The following KDM2B variants were observed in gnomAD, a reference collection of about 807,000 sequenced individuals.
KDM2B encodes lysine-specific demethylase 2B.
A neutral mutation model predicts 150.0 loss-of-function variants in KDM2B; 26 were observed. The ratio of observed to expected loss-of-function variants is 0.17; its 90% confidence interval spans 0.13 to 0.24. The LOEUF is 0.24. Ranked by LOEUF, KDM2B falls within the 10% of genes least tolerant of loss-of-function variation. The probability of loss-of-function intolerance (pLI) is 1.00; values close to 1 mark genes in which losing one functional copy is unlikely to be tolerated. For missense variants in KDM2B, 1,265 were observed against 1,816.9 expected, an observed-to-expected ratio of 0.70 and a Z score of 5.52; for synonymous variants, 734 against 729.5, an observed-to-expected ratio of 1.01 and a Z score of -0.10.
In KDM2B at chr12:121,513,286, C is replaced by T; in HGVS notation, c.1164G>A (p.Ser388=). ...CTCCGGTTCACTCACCAATAAGCAT[C>T]GACTCCCTCTGGTATTCCTGAGTGA... ...SHLTQEYQRE[S]MLIDAPRKPS... is the part of the protein sequence containing the mutation. The change falls in exon 10 of 23, where the codon TCG becomes TCA. Residue 388 remains serine (S), a synonymous_variant. Coordinates refer to ENST00000377071, the MANE Select transcript of KDM2B (RefSeq NM_032590.5). This position sits in a 1 kb window ranked among gnomAD's most constrained non-coding sequence, Gnocchi z 5.0. 1 of 1,613,308 alleles carries T rather than the reference C, an allele frequency of 6.2e-7. No individual in the cohort carries two copies.
At chr12:121,440,097 G>C (rs1180744098) in intron 21 of KDM2B, 22 bp from the exon 22 acceptor site, 2 of 1,566,922 alleles carry the variant, frequency 1.3e-6, no homozygotes, top group African/African-American at 2.7e-5. Context: ...GGAAGGAGGG[G>C]GCAACCCGTC....
intron 11 of KDM2B, among the ~76,000 whole-genome samples, chr12:121,498,714 C>T (rs1555301400): frequency 6.6e-6 from 1 of 152,114 alleles, no homozygotes; most frequent in East Asian, 1.9e-4. Context: ...AACTCACAAG[C>T]ATTGAGGTAG....
At chr12:121,539,863 C>T (rs1349129034) in intron 6 of KDM2B, among the ~76,000 whole-genome samples, 1 of 152,030 alleles carries the variant, frequency 6.6e-6, no homozygotes, top group Non-Finnish European at 1.5e-5. Flanking sequence ...CCTCAGCTTC[C>T]CAAGTAGCTG....
intron 1 of KDM2B, chr12:121,579,897 C>T (rs1555317612): frequency 6.7e-7 from 1 of 1,485,562 alleles, no homozygotes; most frequent in Non-Finnish European, 9.0e-7. Flanking sequence ...TTTCCCGGTC[C>T]TCTTGCAAAA....
chr12:121,527,076 C>T (rs1372781000), intron 8 of KDM2B, among the ~76,000 whole-genome samples: 2 of 151,738 alleles, frequency 1.3e-5, no homozygotes, highest in African/African-American at 4.8e-5. Flanking sequence ...GAGACGGAGT[C>T]TCGCTCTGTC....
intron 22 of KDM2B, among the ~76,000 whole-genome samples, chr12:121,435,674 C>T (rs1425752496): frequency 6.6e-6 from 1 of 152,140 alleles, no homozygotes; most frequent in Non-Finnish European, 1.5e-5. Flanking sequence ...GGAAAATTTA[C>T]CTGCTGACTG....
In KDM2B at chr12:121,513,550, G is replaced by C; in HGVS notation, c.1048-148C>G. On this transcript the variant is annotated intron_variant, in intron 9 of 22. Coordinates refer to ENST00000377071, the MANE Select transcript of KDM2B (RefSeq NM_032590.5). The surrounding 1 kb of genome is among the most constrained non-coding windows in gnomAD (Gnocchi z 5.0). ...TGGATGGTCGGGGGAGAAATGGTGGGGTGCTGGAAGGGAGATGCCGGCAGC... is the reference window on the plus strand; with the variant it reads ...TGGATGGTCGGGGGAGAAATGGTGGCGTGCTGGAAGGGAGATGCCGGCAGC... 1.2e-6 allele frequency: 1 copy of C among 850,258 alleles called. No homozygotes were observed. Among genetic ancestry groups the C allele is most frequent in the Middle Eastern group, 3.1e-4 (1 of 3,218 alleles). 52.7% of individuals were successfully genotyped at this position (850,258 alleles called of 1,614,324 possible).
intron 6 of KDM2B, among the ~76,000 whole-genome samples, chr12:121,536,570 C>A (rs1888119711): frequency 2.0e-5 from 3 of 152,206 alleles, no homozygotes; most frequent in Non-Finnish European, 4.4e-5. Flanking sequence ...CCTCACCCAC[C>A]CCACCCCCAC....
chr12:121,412,729 T>C, the KDM2B span, among the ~76,000 whole-genome samples: 1 of 149,596 alleles, frequency 6.7e-6, no homozygotes, highest in African/African-American at 2.5e-5. Flanking sequence ...TCATGCTTTT[T>C]TTTTTTTTTT....
chr12:121,451,595 T>C (rs1877295687), intron 13 of KDM2B, among the ~76,000 whole-genome samples: 1 of 152,216 alleles, frequency 6.6e-6, no homozygotes, highest in African/African-American at 2.4e-5. Flanking sequence ...GCAATCCATA[T>C]GTCCATCAAC....
At chr12:121,502,503 C>T (rs1262736712) in intron 11 of KDM2B, among the ~76,000 whole-genome samples, 1 of 151,956 alleles carries the variant, frequency 6.6e-6, no homozygotes. Context: ...TGCCTGTAAT[C>T]CCAGCTACTT....
rs893981242 is a variant in KDM2B, at chr12:121,430,657, G to A, written c.3830-188C>T. The A allele has an allele frequency of 1.3e-5, 8 of 599,750 alleles. No individual in the cohort carries two copies. The highest frequency in any genetic ancestry group is 2.9e-5 in the Admixed American group (1 of 34,068). 37.2% of individuals were successfully genotyped at this position (599,750 alleles called of 1,614,324 possible). ...CTTCAAACGGGGAAGGGTCTCACCC[G>A]CCAGGTATAAAGGTTAATATATGCC... is the stretch of plus-strand genomic sequence containing the variant. On this transcript the variant is annotated intron_variant, in intron 22 of 22. Coordinates refer to ENST00000377071, the MANE Select transcript of KDM2B (RefSeq NM_032590.5). The surrounding 1 kb of genome is among the most constrained non-coding windows in gnomAD (Gnocchi z 4.4).
intron 9 of KDM2B, chr12:121,516,585 T>C: frequency 1.5e-6 from 2 of 1,340,508 alleles, no homozygotes; most frequent in African/African-American, 3.0e-5. Context: ...CTCACCAAAT[T>C]GAGTTAACCA....
the KDM2B span, among the ~76,000 whole-genome samples, chr12:121,410,809 G>A: frequency 6.6e-6 from 1 of 152,170 alleles, no homozygotes; most frequent in Non-Finnish European, 1.5e-5. Flanking sequence ...AATTTTTCAG[G>A]ATTGCTTCTT....
rs545910837 is a variant in KDM2B at position 121,537,263 on chromosome 12, C to G, written c.684-2673G>C. ...CCCCGCGCTGGCTCCGGGGCTCCCC[C>G]CTGGCTGGTTTGCTCGCTCGCTCTG... On this transcript the variant is annotated intron_variant, in intron 6 of 22. Transcript: ENST00000377071. This position sits in a 1 kb window ranked among gnomAD's most constrained non-coding sequence, Gnocchi z 8.7. 6 of 152,988 alleles carry G rather than the reference C, an allele frequency of 3.9e-5. No individual in the cohort carries two copies. The highest frequency in any genetic ancestry group is 1.9e-4 in the East Asian group (1 of 5,188). The allele number at this position is 152,988 out of a possible 1,614,324, so 9.5% of individuals were successfully genotyped here.
intron 22 of KDM2B, among the ~76,000 whole-genome samples, chr12:121,434,271 C>CAA (rs1873574016): frequency 6.6e-6 from 1 of 151,868 alleles, no homozygotes; most frequent in South Asian, 2.1e-4. Context: ...CGTGGTGACT[C>CAA]ACGCCTATAA....
the KDM2B span, chr12:121,420,186 C>T: frequency 1.6e-5 from 25 of 1,537,294 alleles, no homozygotes; most frequent in Non-Finnish European, 2.2e-5. Context: ...AAGGTTTTCT[C>T]TAGTGATAAA....
At chr12:121,446,351 C>CAG (rs1412431038) in intron 13 of KDM2B, among the ~76,000 whole-genome samples, 2 of 152,142 alleles carry the variant, frequency 1.3e-5, no homozygotes, top group Non-Finnish European at 2.9e-5. Flanking sequence ...TGAGCCGAGA[C>CAG]CATGCCACTG....
chr12:121,541,386 C>A (rs1464871252), intron 6 of KDM2B, among the ~76,000 whole-genome samples: 2 of 135,096 alleles, frequency 1.5e-5, no homozygotes, highest in African/African-American at 3.0e-5. Flanking sequence ...ACAGAGACAG[C>A]CCCTGTCTCA....
Sources: gnomAD v4.1 joint callset for allele counts (sites outside exome capture counted in the v4.1 genomes callset) on GRCh38, gnomAD v4.1.1 for gene constraint, Gnocchi (gnomAD v3.1) non-coding constraint, MANE v1.5 for transcripts, NCBI Gene and HGNC (gene_info 2026-07-23, HGNC 2026-07-21) for gene names.